Variants in GLRA3 observed in about 807,000 individuals in gnomAD.
The protein encoded by GLRA3 is glycine receptor subunit alpha-3.
Under a neutral mutation model 60.4 loss-of-function variants are expected in GLRA3, and 44 were observed. The observed-to-expected ratio is 0.73, with a 90% CI of 0.57 to 0.94. The LOEUF (loss-of-function observed/expected upper bound fraction) is 0.94, where lower values mean the gene tolerates loss of function less well. Ranked by LOEUF, GLRA3 falls within the 40% of genes least tolerant of loss-of-function variation. GLRA3 has a pLI of 0.00. For synonymous variants in GLRA3, 223 were observed against 192.9 expected, an observed-to-expected ratio of 1.16 and a Z score of -1.29; for missense variants, 508 against 564.6, an observed-to-expected ratio of 0.90 and a Z score of 1.02.
chr4:174,664,086 G>A (rs1239777826), intron 7 of GLRA3, among the ~76,000 whole-genome samples: 1 of 152,130 alleles, frequency 6.6e-6, no homozygotes, highest in South Asian at 2.1e-4. Context: ...CTCTTTCCAT[G>A]GCTTCTGTGA....
At chr4:174,797,871 C>A (rs1428358469) in intron 1 of GLRA3, among the ~76,000 whole-genome samples, 1 of 151,816 alleles carries the variant, frequency 6.6e-6, no homozygotes, top group African/African-American at 2.4e-5. Context: ...CTGCAGAGAG[C>A]CATGACTGTG....
chr4:174,729,239 C>T (rs370454461), intron 3 of GLRA3, among the ~76,000 whole-genome samples: 1 of 152,168 alleles, frequency 6.6e-6, no homozygotes, highest in Non-Finnish European at 1.5e-5. Flanking sequence ...TTCTTCTTTG[C>T]ATTTATTTTT....
At chr4:174,828,301 A>G (rs544501958) in intron 1 of GLRA3, among the ~76,000 whole-genome samples, 1 of 152,278 alleles carries the variant, frequency 6.6e-6, no homozygotes, top group Non-Finnish European at 1.5e-5. Context: ...TAGCAACAAC[A>G]TTTGGAGTTT....
intron 9 of GLRA3, among the ~76,000 whole-genome samples, chr4:174,647,753 A>G (rs1359640538): frequency 6.6e-6 from 1 of 152,196 alleles, no homozygotes; most frequent in Non-Finnish European, 1.5e-5. Flanking sequence ...TGTTCCCAAT[A>G]TCTTTTCAAC....
intron 3 of GLRA3, among the ~76,000 whole-genome samples, chr4:174,743,948 G>C (rs995104742): frequency 6.6e-6 from 1 of 152,166 alleles, no homozygotes; most frequent in Non-Finnish European, 1.5e-5. Flanking sequence ...AGCTGTTGCT[G>C]CTGCCATTGT....
intron 3 of GLRA3, among the ~76,000 whole-genome samples, chr4:174,737,887 C>T (rs550579161): frequency 1.9e-4 from 29 of 152,062 alleles, no homozygotes; most frequent in Non-Finnish European, 3.2e-4. Flanking sequence ...CACTTATTTT[C>T]TTTGGGAATT....
At chr4:174,818,146 A>G (rs1392376009) in intron 1 of GLRA3, among the ~76,000 whole-genome samples, 1 of 152,176 alleles carries the variant, frequency 6.6e-6, no homozygotes, top group Non-Finnish European at 1.5e-5. Flanking sequence ...TTATTTCTCC[A>G]AATTTATTCT....
At chr4:174,746,897 C>T (rs1024765247) in intron 3 of GLRA3, among the ~76,000 whole-genome samples, 2 of 151,884 alleles carry the variant, frequency 1.3e-5, no homozygotes, top group East Asian at 1.9e-4. Context: ...TGGTGAAAAC[C>T]GCAATTATTT....
At chr4:174,784,435 T>A (rs1210561063) in intron 2 of GLRA3, among the ~76,000 whole-genome samples, 1 of 145,224 alleles carries the variant, frequency 6.9e-6, no homozygotes, top group Non-Finnish European at 1.5e-5. Context: ...ACCTGCACAA[T>A]GTGCACATGT....
intron 5 of GLRA3, among the ~76,000 whole-genome samples, chr4:174,688,332 T>C (rs1734634051): frequency 2.1e-5 from 2 of 96,178 alleles, no homozygotes; most frequent in Admixed American, 1.8e-4. Context: ...TATATATATA[T>C]ATATATATAT....
chr4:174,670,196 T>C (rs942910234), intron 7 of GLRA3, among the ~76,000 whole-genome samples: 4 of 152,178 alleles, frequency 2.6e-5, no homozygotes, highest in African/African-American at 9.7e-5. Context: ...ATTACCTTTT[T>C]TTGATCTACT....
intron 6 of GLRA3, among the ~76,000 whole-genome samples, chr4:174,680,294 T>C (rs892368151): frequency 6.6e-6 from 1 of 151,996 alleles, no homozygotes; most frequent in Non-Finnish European, 1.5e-5. Flanking sequence ...GACAAAAAAA[T>C]CCATCACTTA....
Position 174,639,161 on chromosome 4 carries a change from G to T in GLRA3, c.*4625C>A, listed in dbSNP as rs1196133577. 1 of 152,154 alleles carries T rather than the reference G, an allele frequency of 6.6e-6. No homozygotes were observed. Among genetic ancestry groups the T allele is most frequent in the Admixed American group, 6.6e-5 (1 of 15,266 alleles). The allele number at this position is 152,154 out of a possible 1,614,324, so 9.4% of individuals were successfully genotyped here. On this transcript the variant is annotated 3_prime_UTR_variant, in exon 10 of 10. Coordinates refer to ENST00000274093, the MANE Select transcript of GLRA3 (RefSeq NM_006529.4). Reference sequence around the variant, plus strand: ...TTCGATTGTTAAGGGTTAAAGACTTGATCCAGTTAGCTTTGTTTATGTGTT... The same window carrying T: ...TTCGATTGTTAAGGGTTAAAGACTTTATCCAGTTAGCTTTGTTTATGTGTT...
intron 1 of GLRA3, among the ~76,000 whole-genome samples, chr4:174,798,838 G>T (rs1308281869): frequency 6.6e-6 from 1 of 152,020 alleles, no homozygotes; most frequent in African/African-American, 2.4e-5. Flanking sequence ...GCAGAATGCC[G>T]TGAACCCGGG....
At chr4:174,711,325 G>C (rs897868511) in intron 5 of GLRA3, among the ~76,000 whole-genome samples, 1 of 151,164 alleles carries the variant, frequency 6.6e-6, no homozygotes, top group South Asian at 2.1e-4. Flanking sequence ...TACTGTGCTT[G>C]TACAATCCAG....
chr4:174,700,982 A>G (rs899274053), intron 5 of GLRA3, among the ~76,000 whole-genome samples: 1 of 152,220 alleles, frequency 6.6e-6, no homozygotes, highest in African/African-American at 2.4e-5. Flanking sequence ...GTGCTGATGT[A>G]GAAGCTGCAG....
rs1315414676 is a variant in GLRA3 at position 174,820,962 on chromosome 4, C to A, written c.71+7779G>T. Reference sequence around the variant, plus strand: ...GATTTTTGTACATATTTCCTAACTTCTGAAAAGGAGAACATCCAGAGCTAA... The same window carrying A: ...GATTTTTGTACATATTTCCTAACTTATGAAAAGGAGAACATCCAGAGCTAA... On this transcript the variant is annotated intron_variant, in intron 1 of 9. Coordinates refer to ENST00000274093, the MANE Select transcript of GLRA3 (RefSeq NM_006529.4). 2.6e-5 allele frequency among the ~76,000 whole-genome samples: 4 copies of A among 151,946 alleles called. No individual in the cohort carries two copies. In the South Asian group the frequency reaches 8.3e-4, roughly 32 times the overall value.
chr4:174,806,898 T>C (rs1177019340), intron 1 of GLRA3, among the ~76,000 whole-genome samples: 1 of 152,070 alleles, frequency 6.6e-6, no homozygotes, highest in African/African-American at 2.4e-5. Flanking sequence ...TATGGAAGAC[T>C]GTATATGCAA....
intron 7 of GLRA3, among the ~76,000 whole-genome samples, chr4:174,666,623 C>T (rs1242535711): frequency 6.6e-6 from 1 of 151,434 alleles, no homozygotes; most frequent in East Asian, 1.9e-4. Flanking sequence ...GGAATATAAG[C>T]ACCATATGGT....
Sources: gnomAD v4.1 joint callset for allele counts (sites outside exome capture counted in the v4.1 genomes callset) on GRCh38, gnomAD v4.1.1 for gene constraint, MANE v1.5 for transcripts, NCBI Gene and HGNC (gene_info 2026-07-23, HGNC 2026-07-21) for gene names.